The following ATP10A variants were observed in gnomAD, a reference collection of about 807,000 sequenced individuals.
ATP10A encodes phospholipid-transporting ATPase VA.
ATP10A carries 111 observed loss-of-function variants against 147.8 expected under a neutral mutation model. That is an observed-to-expected ratio of 0.75 (90% CI 0.64 to 0.88). The LOEUF is 0.88. Among genes scored for constraint, ATP10A ranks in the 40% least tolerant of loss-of-function variants. The pLI, the probability that ATP10A is intolerant of heterozygous loss-of-function variation, is 0.00. For synonymous variants in ATP10A, 875 were observed against 841.6 expected (o/e 1.04, Z -0.69); for missense variants, 1,927 against 1,959.0 (o/e 0.98, Z 0.31).
At chr15:25,691,192 G>A (rs1900015271) in intron 15 of ATP10A, among the ~76,000 whole-genome samples, 1 of 152,154 alleles carries the variant, frequency 6.6e-6, no homozygotes, top group African/African-American at 2.4e-5. Flanking sequence ...TCCAAAAGCA[G>A]CACATTTTTA....
chr15:25,842,550 A>C (rs1000486122), intron 1 of ATP10A, among the ~76,000 whole-genome samples: 1 of 152,186 alleles, frequency 6.6e-6, no homozygotes, highest in African/African-American at 2.4e-5. Context: ...TGCCTAGAAA[A>C]TAAAACACTG....
At chr15:25,765,188 T>C (rs1596841471) in intron 2 of ATP10A, among the ~76,000 whole-genome samples, 1 of 152,148 alleles carries the variant, frequency 6.6e-6, no homozygotes, top group Admixed American at 6.5e-5. Flanking sequence ...GGGGGTGTTG[T>C]GTCTGCCTGG....
At chr15:25,836,892 A>G (rs1235980363) in intron 1 of ATP10A, among the ~76,000 whole-genome samples, 1 of 152,230 alleles carries the variant, frequency 6.6e-6, no homozygotes, top group African/African-American at 2.4e-5. Context: ...CTCGAAGGCA[A>G]GACCCAGTAT....
chr15:25,697,686 T>C (rs1481711479), intron 13 of ATP10A, among the ~76,000 whole-genome samples: 2 of 152,236 alleles, frequency 1.3e-5, no homozygotes, highest in Non-Finnish European at 2.9e-5. Flanking sequence ...TCTATGTAGA[T>C]ACTCTGCCCT....
intron 1 of ATP10A, among the ~76,000 whole-genome samples, chr15:25,840,191 TG>T (rs1892754419): frequency 6.6e-6 from 1 of 152,158 alleles, no homozygotes; most frequent in Non-Finnish European, 1.5e-5. Flanking sequence ...ATTTTAGGTT[TG>T]GGGGTTTGTT....
chr15:25,772,690 A>G (rs1387263312), intron 2 of ATP10A, among the ~76,000 whole-genome samples: 1 of 152,210 alleles, frequency 6.6e-6, no homozygotes, highest in East Asian at 1.9e-4. Flanking sequence ...GTGACAGGTG[A>G]GTGGAACGAC....
intron 7 of ATP10A, among the ~76,000 whole-genome samples, chr15:25,721,196 G>A (rs190276999): frequency 2.6e-5 from 4 of 152,320 alleles, no homozygotes; most frequent in East Asian, 1.9e-4. Flanking sequence ...GGAGTGAGGC[G>A]ATTCATCTTT....
chr15:25,850,618 G>A (rs1034072188), intron 1 of ATP10A, among the ~76,000 whole-genome samples: 5 of 150,766 alleles, frequency 3.3e-5, no homozygotes. Context: ...CGGACCCAGC[G>A]CTGCTCCATT....
At chr15:25,693,153 C>T (rs773109276) in intron 14 of ATP10A, among the ~76,000 whole-genome samples, 1 of 152,066 alleles carries the variant, frequency 6.6e-6, no homozygotes, top group Non-Finnish European at 1.5e-5. Flanking sequence ...TCTCAAGTAG[C>T]TGAGACTGCA....
At chr15:25,722,016 G>GACTA (rs1402144264) in intron 6 of ATP10A, 107 bp from the exon 7 acceptor site, 6 of 1,238,998 alleles carry the variant, frequency 4.8e-6, no homozygotes, top group Admixed American at 2.1e-5. Context: ...AGAAAGTAGG[G>GACTA]ACTATACTGT....
Position 25,714,158 on chromosome 15 carries a change from TGAG to T in ATP10A, c.1857_1859del (p.Ser620del), listed in dbSNP as rs778244022. The T allele has an allele frequency of 1.9e-5, 30 of 1,610,496 alleles. No individual in the cohort carries two copies. Among genetic ancestry groups the T allele is most frequent in the Non-Finnish European group, 2.3e-5 (27 of 1,180,040 alleles). The stretch of plus-strand genomic sequence containing the variant: ...CCAGGCTCCCGATGCTGCTGCAGCC[TGAG>T]GTCAGGCAGCTGGGTGTGAACCTCC... On this transcript the variant is annotated inframe_deletion, in exon 10 of 21. Transcript: ENST00000555815.
intron 12 of ATP10A, among the ~76,000 whole-genome samples, chr15:25,704,888 G>T (rs1339963036): frequency 6.6e-6 from 1 of 152,156 alleles, no homozygotes; most frequent in East Asian, 1.9e-4. Context: ...CATAACTCAG[G>T]AGTTGGTGGT....
At chr15:25,781,540 A>T (rs1189939688) in intron 1 of ATP10A, among the ~76,000 whole-genome samples, 1 of 152,130 alleles carries the variant, frequency 6.6e-6, no homozygotes, top group East Asian at 1.9e-4. Flanking sequence ...CTGTAGTCCC[A>T]GCTACTTGGG....
At chr15:25,766,002 C>T (rs1359423581) in intron 2 of ATP10A, among the ~76,000 whole-genome samples, 1 of 152,140 alleles carries the variant, frequency 6.6e-6, no homozygotes, top group Non-Finnish European at 1.5e-5. Flanking sequence ...AAACTGGGAA[C>T]AAAAAGAGAT....
intron 1 of ATP10A, among the ~76,000 whole-genome samples, chr15:25,792,998 G>C (rs533473883): frequency 1.3e-5 from 2 of 151,518 alleles, no homozygotes; most frequent in Non-Finnish European, 2.9e-5. Flanking sequence ...AGCCTCCCGA[G>C]TAGCTGGGAC....
At chr15:25,706,699 G>A (rs1286773228) in intron 12 of ATP10A, among the ~76,000 whole-genome samples, 1 of 152,186 alleles carries the variant, frequency 6.6e-6, no homozygotes, top group Non-Finnish European at 1.5e-5. Context: ...TCCAGGGGGC[G>A]GAACCAGCAA....
At chr15:25,685,057 G>A (rs201178283) in intron 16 of ATP10A, among the ~76,000 whole-genome samples, 4 of 152,212 alleles carry the variant, frequency 2.6e-5, no homozygotes, top group South Asian at 4.2e-4. Context: ...GTGAGTCATC[G>A]GTAGCAAATA....
Position 25,714,025 on chromosome 15 carries a change from T to C in ATP10A, c.1993A>G (p.Ile665Val), listed in dbSNP as rs1901615175. ...TGGCTGCTGTAGCCGTTGCTGGCGA[T>C]GGCCGAGGTGGGCTGGCCCAGCCTC... is the stretch of plus-strand genomic sequence containing the variant. ...EERLGQPTSAIASNGYSSQAD... is the reference protein window; with the variant it reads ...EERLGQPTSAVASNGYSSQAD... The change falls in exon 10 of 21, where the codon ATC (isoleucine) becomes GTC (valine). Residue 665 changes from isoleucine (I) to valine (V), a missense_variant. By Grantham distance (29) the Ile-to-Val change is conservative. Transcript: ENST00000555815. 1.2e-5 allele frequency: 19 copies of C among 1,610,936 alleles called. No individual in the cohort carries two copies. Among genetic ancestry groups the C allele is most frequent in the Non-Finnish European group, 1.6e-5 (19 of 1,179,886 alleles).
chr15:25,767,546 T>C (rs1344530500), intron 2 of ATP10A, among the ~76,000 whole-genome samples: 1 of 152,054 alleles, frequency 6.6e-6, no homozygotes, highest in Non-Finnish European at 1.5e-5. Flanking sequence ...CCTTTATTTG[T>C]AAAATAGGGA....
Sources: gnomAD v4.1 joint callset for allele counts (sites outside exome capture counted in the v4.1 genomes callset) on GRCh38, gnomAD v4.1.1 for gene constraint, MANE v1.5 for transcripts, NCBI Gene and HGNC (gene_info 2026-07-23, HGNC 2026-07-21) for gene names.